VWA3B: variants seen among roughly 807,000 people sequenced by gnomAD.
VWA3B encodes the protein von Willebrand factor A domain-containing protein 3B.
VWA3B carries 138 observed loss-of-function variants against 158.3 expected under a neutral mutation model. The ratio of observed to expected loss-of-function variants is 0.87; its 90% CI spans 0.76 to 1.00. VWA3B has a LOEUF of 1.00. VWA3B is among the 50% of genes least tolerant of loss of function. VWA3B has a pLI of 0.00. For synonymous variants in VWA3B, 596 were observed against 587.3 expected (o/e 1.01, Z -0.21); for missense variants, 1,555 against 1,565.1 (o/e 0.99, Z 0.11).
chr2:98,190,475 A>T (rs755989083), intron 10 of VWA3B, among the ~76,000 whole-genome samples: 2 of 152,160 alleles, frequency 1.3e-5, no homozygotes, highest in Non-Finnish European at 2.9e-5. Flanking sequence ...ATTCCTTTGT[A>T]TGCATCCACA....
chr2:98,208,236 A>G (rs1683183864), intron 12 of VWA3B, among the ~76,000 whole-genome samples: 1 of 152,004 alleles, frequency 6.6e-6, no homozygotes, highest in Non-Finnish European at 1.5e-5. Flanking sequence ...TTTTACCTTT[A>G]ACCTATCTAC....
At chr2:98,181,284 G>A in intron 9 of VWA3B, 72 bp downstream of exon 9, 1 of 1,515,484 alleles carries the variant, frequency 6.6e-7, no homozygotes, top group Non-Finnish European at 9.0e-7. Context: ...CCTCCATCGG[G>A]TCAGAAGGCA....
chr2:98,236,786 T>TA, intron 19 of VWA3B, 56 bp downstream of exon 19: 1 of 1,554,784 alleles, frequency 6.4e-7, no homozygotes, highest in Non-Finnish European at 8.7e-7. Context: ...TCTGCTCAAA[T>TA]AAAAAGTAGT....
downstream of VWA3B, chr2:98,313,439 A>T (rs1475422071): frequency 1.3e-5 from 2 of 152,272 alleles, no homozygotes; most frequent in Admixed American, 6.5e-5. Flanking sequence ...GTTTCCTCCC[A>T]GCAGGAAGGC....
intron 19 of VWA3B, among the ~76,000 whole-genome samples, chr2:98,239,633 GGC>G (rs1463711326): frequency 6.6e-6 from 1 of 151,768 alleles, no homozygotes; most frequent in Non-Finnish European, 1.5e-5. Context: ...AAACAGACCT[GGC>G]CAGGTGCGGT....
chr2:98,299,958 A>G, intron 24 of VWA3B, 121 bp from the exon 25 acceptor site: 1 of 1,292,478 alleles, frequency 7.7e-7, no homozygotes, highest in Non-Finnish European at 1.1e-6. Flanking sequence ...GAAAAAAAAT[A>G]TCTATTTGAA....
At chr2:98,275,291 G>A (rs1385133720) in intron 22 of VWA3B, among the ~76,000 whole-genome samples, 2 of 152,206 alleles carry the variant, frequency 1.3e-5, no homozygotes, top group African/African-American at 2.4e-5. Flanking sequence ...CACTTTCAGC[G>A]CTCTTGATTC....
intron 19 of VWA3B, among the ~76,000 whole-genome samples, chr2:98,246,135 C>T (rs527462590): frequency 1.6e-4 from 25 of 152,134 alleles, no homozygotes; most frequent in Non-Finnish European, 3.2e-4. Context: ...AAAAATGAAA[C>T]AATACAGTAA....
intron 21 of VWA3B, among the ~76,000 whole-genome samples, chr2:98,266,946 G>T (rs1336939580): frequency 1.3e-5 from 2 of 148,848 alleles, no homozygotes; most frequent in Non-Finnish European, 1.5e-5. Flanking sequence ...GAGATTTTGG[G>T]CTGAGACAAT....
intron 10 of VWA3B, 54 bp from the exon 11 acceptor site, chr2:98,192,844 G>C: frequency 6.2e-7 from 1 of 1,612,844 alleles, no homozygotes; most frequent in Non-Finnish European, 8.5e-7. Flanking sequence ...TTGGGAAGAT[G>C]CTCTTGTTGC....
chr2:98,180,062 C>T (rs1162932085), intron 8 of VWA3B, among the ~76,000 whole-genome samples: 1 of 145,094 alleles, frequency 6.9e-6, no homozygotes, highest in African/African-American at 2.6e-5. Flanking sequence ...CTCCTTTTCT[C>T]TCTTTCTCTC....
At chr2:98,297,461 A>G (rs1387178228) in intron 23 of VWA3B, among the ~76,000 whole-genome samples, 2 of 152,206 alleles carry the variant, frequency 1.3e-5, no homozygotes, top group Admixed American at 6.5e-5. Context: ...ATGAAAAGCC[A>G]ATTTGGATGG....
intron 6 of VWA3B, among the ~76,000 whole-genome samples, chr2:98,133,023 A>G (rs1249201467): frequency 2.0e-5 from 3 of 152,144 alleles, no homozygotes; most frequent in South Asian, 4.1e-4. Flanking sequence ...ATTACTTGTG[A>G]CTTCCTCTGT....
At chr2:98,250,772 T>A (rs951757051) in intron 20 of VWA3B, among the ~76,000 whole-genome samples, 11 of 152,084 alleles carry the variant, frequency 7.2e-5, no homozygotes, top group African/African-American at 2.4e-4. Flanking sequence ...ATAGTTGGAG[T>A]ATTTGTAACA....
chr2:98,203,116 C>T (rs995766620), intron 12 of VWA3B, among the ~76,000 whole-genome samples: 3 of 152,216 alleles, frequency 2.0e-5, no homozygotes, highest in Admixed American at 6.5e-5. Context: ...CAGGCGTGAG[C>T]CACCACACCC....
At chr2:98,213,170 G>A (rs1683684829) in intron 13 of VWA3B, among the ~76,000 whole-genome samples, 2 of 152,188 alleles carry the variant, frequency 1.3e-5, no homozygotes, top group Non-Finnish European at 2.9e-5. Flanking sequence ...GGACACAGAG[G>A]TGTGGAAATA....
At chr2:98,179,811 TTTCTTTCTTTCTTTC>T (rs1202179622) in intron 8 of VWA3B, among the ~76,000 whole-genome samples, 1 of 141,868 alleles carries the variant, frequency 7.0e-6, no homozygotes, top group African/African-American at 2.8e-5. Flanking sequence ...TCTTTCTTTC[TTTCTTTCTTTCTTTC>T]TTTTTCTTTC....
At position 98,255,182 on chromosome 2, in the gene VWA3B, ATTTTTTTTTTTTT is replaced by A. The variant is rs769708577; in HGVS notation, c.2793-925_2793-913del. On this transcript the variant is annotated intron_variant, in intron 20 of 27. Transcript: ENST00000477737. ...TCGCCCGCCACCACGCCCGGCTGAT[ATTTTTTTTTTTTT>A]TTTTTTTTTTTTTTTTAGTACAGAC... Among the ~76,000 whole-genome samples the A allele has an allele frequency of 5.2e-4, 27 of 52,168 alleles. 1 individual carries two copies. Among genetic ancestry groups the A allele is most frequent in the African/African-American group, 1.6e-3 (22 of 14,116 alleles). The allele number at this position is 52,168 out of a possible 152,430, so 34.2% of individuals were successfully genotyped here.
chr2:98,193,622 G>T (rs2105427263), intron 11 of VWA3B, among the ~76,000 whole-genome samples: 1 of 149,554 alleles, frequency 6.7e-6, no homozygotes, highest in South Asian at 2.1e-4. Context: ...TTGAGATGGA[G>T]TCTCACTGTG....
Sources: gnomAD v4.1 joint callset for allele counts (sites outside exome capture counted in the v4.1 genomes callset) on GRCh38, gnomAD v4.1.1 for gene constraint, MANE v1.5 for transcripts, NCBI Gene and HGNC (gene_info 2026-07-23, HGNC 2026-07-21) for gene names.